The following PAN3 variants were observed in gnomAD, a reference collection of about 807,000 sequenced individuals.
PAN3 encodes poly(A) specific ribonuclease subunit PAN3, also known as PAN2-PAN3 deadenylation complex subunit PAN3.
A neutral mutation model predicts 96.2 loss-of-function variants in PAN3; 19 were observed. The observed-to-expected ratio is 0.20, with a 90% CI of 0.14 to 0.29. The LOEUF is 0.29. Among genes scored for constraint, PAN3 ranks in the 10% least tolerant of loss-of-function variants. The pLI is 1.00. For synonymous variants in PAN3, 433 were observed against 406.6 expected (o/e 1.06, Z -0.78); for missense variants, 882 against 1,108.1 (o/e 0.80, Z 2.90).
intron 5 of PAN3, chr13:28,215,055 A>G (rs545102165): frequency 7.6e-6 from 8 of 1,058,978 alleles, no homozygotes; most frequent in South Asian, 6.3e-5. Context: ...TATTAATAAA[A>G]TTGGCTACAA....
intron 14 of PAN3, among the ~76,000 whole-genome samples, chr13:28,276,045 C>T (rs1887029661): frequency 6.6e-6 from 1 of 152,076 alleles, no homozygotes; most frequent in South Asian, 2.1e-4. Flanking sequence ...CTAATGATTG[C>T]CTTAAAGTTA....
chr13:28,266,975 T>G, intron 10 of PAN3, 99 bp downstream of exon 10: 1 of 1,286,902 alleles, frequency 7.8e-7, no homozygotes. Flanking sequence ...ATTAAAAATT[T>G]TTATTTGGAA....
intron 6 of PAN3, among the ~76,000 whole-genome samples, chr13:28,236,570 GA>G (rs1313233021): frequency 6.6e-6 from 1 of 152,202 alleles, no homozygotes; most frequent in Non-Finnish European, 1.5e-5. Context: ...GGAAGGATAA[GA>G]TTTTTTTATC....
At chr13:28,168,590 A>G (rs764403527) in intron 1 of PAN3, among the ~76,000 whole-genome samples, 1 of 152,152 alleles carries the variant, frequency 6.6e-6, no homozygotes, top group Non-Finnish European at 1.5e-5. Context: ...ATGGTGGCAC[A>G]TGCCTGTAAT....
intron 1 of PAN3, among the ~76,000 whole-genome samples, chr13:28,150,621 A>G (rs2137965590): frequency 6.8e-6 from 1 of 147,636 alleles, no homozygotes; most frequent in East Asian, 2.0e-4. Flanking sequence ...TAGGCGACAG[A>G]GCGAGACTCT....
chr13:28,139,926 T>A (rs1869459238), intron 1 of PAN3, among the ~76,000 whole-genome samples: 1 of 152,046 alleles, frequency 6.6e-6, no homozygotes, highest in Non-Finnish European at 1.5e-5. Context: ...TGTTTATATT[T>A]CTTTTTCATG....
intron 5 of PAN3, among the ~76,000 whole-genome samples, chr13:28,217,463 TC>T (rs1444367422): frequency 6.6e-6 from 1 of 152,020 alleles, no homozygotes; most frequent in African/African-American, 2.4e-5. Flanking sequence ...ACACCTGTAA[TC>T]CCTGCTACTA....
chr13:28,281,918 G>A (rs45459798), intron 17 of PAN3, among the ~76,000 whole-genome samples: 1,556 of 152,100 alleles, frequency 0.01, 25 homozygotes, highest in African/African-American at 0.035. Context: ...CTACAGGTGT[G>A]CACCACCATA....
At chr13:28,204,259 GT>G (rs1879092512) in intron 5 of PAN3, among the ~76,000 whole-genome samples, 1 of 152,174 alleles carries the variant, frequency 6.6e-6, no homozygotes, top group Non-Finnish European at 1.5e-5. Flanking sequence ...TGCCCAGGAT[GT>G]TTACCTATCA....
At position 28,270,777 on chromosome 13, in the gene PAN3, A is replaced by G. The variant is rs762635605; in HGVS notation, c.1869A>G (p.Gln623=). The G allele has an allele frequency of 3.1e-6, 5 of 1,613,904 alleles. No individual in the cohort carries two copies. The highest frequency in any genetic ancestry group is 1.3e-5 in the African/African-American group (1 of 74,932). The part of the protein sequence containing the change: ...PESLIWAYIV[Q]LSSALRTIHT... ...CTCTTATTTGGGCATATATTGTCCA[A>G]CTAAGTTCTGCATTGCGTACCATTC... The change falls in exon 13 of 19, where the codon CAA becomes CAG. Residue 623 remains glutamine (Q), a synonymous_variant. Coordinates refer to ENST00000380958, the MANE Select transcript of PAN3 (RefSeq NM_175854.8).
intron 5 of PAN3, among the ~76,000 whole-genome samples, chr13:28,218,812 T>C (rs1489416764): frequency 1.3e-5 from 2 of 152,184 alleles, no homozygotes; most frequent in Non-Finnish European, 2.9e-5. Context: ...AGTATTCATA[T>C]TGTGTATTAT....
intron 18 of PAN3, among the ~76,000 whole-genome samples, chr13:28,289,678 G>A (rs1346008277): frequency 1.3e-5 from 2 of 152,088 alleles, no homozygotes; most frequent in African/African-American, 4.8e-5. Context: ...TCAGGAGATC[G>A]AGACCATCCT....
In PAN3 at chr13:28,261,297, G is replaced by A. The variant is rs1885699637; in HGVS notation, c.1354-104G>A. ...TTTAAATGATTTTAATATTTAAAAAGTGCATATGCCAAAAATATTAATACT... is the reference window on the plus strand; with the variant it reads ...TTTAAATGATTTTAATATTTAAAAAATGCATATGCCAAAAATATTAATACT... On this transcript the variant is annotated intron_variant, in intron 8 of 18. Transcript: ENST00000380958. 14 of 677,892 alleles carry A rather than the reference G, an allele frequency of 2.1e-5. No homozygotes were observed. The East Asian group carries it at 2.6e-4, about 13-fold the overall frequency. The allele number at this position is 677,892 out of a possible 1,614,324, so 42.0% of individuals were successfully genotyped here.
chr13:28,206,738 G>GT (rs200990694), intron 5 of PAN3, among the ~76,000 whole-genome samples: 17,558 of 143,434 alleles, frequency 0.12, 1,700 homozygotes, highest in African/African-American at 0.27. Context: ...TTATTAGTGG[G>GT]TTTTTTTTTT....
chr13:28,256,587 C>T, intron 7 of PAN3, 48 bp downstream of exon 7: 2 of 1,554,038 alleles, frequency 1.3e-6, no homozygotes, highest in Non-Finnish European at 1.7e-6. Flanking sequence ...TGTAACAGGA[C>T]CTTCTTAGTT....
At chr13:28,147,661 C>G (rs1237633834) in intron 1 of PAN3, among the ~76,000 whole-genome samples, 2 of 152,098 alleles carry the variant, frequency 1.3e-5, no homozygotes, top group Non-Finnish European at 2.9e-5. Context: ...AGTATGATAC[C>G]ACGAATCACT....
intron 5 of PAN3, among the ~76,000 whole-genome samples, chr13:28,200,125 C>G (rs1171697519): frequency 6.6e-6 from 1 of 152,182 alleles, no homozygotes; most frequent in Non-Finnish European, 1.5e-5. Context: ...CTCAAAATCT[C>G]TTTACTTCTA....
intron 1 of PAN3, among the ~76,000 whole-genome samples, chr13:28,142,511 A>ATTTTTTTTTTTTTTTTTT (rs74881179): frequency 7.9e-5 from 10 of 126,672 alleles, no homozygotes; most frequent in African/African-American, 3.2e-4. Flanking sequence ...ATAGATGGCA[A>ATTTTTTTTTTTTTTTTTT]TTTTTTTTTT....
Position 28,270,787 on chromosome 13 carries a change from G to C in PAN3, c.1879G>C (p.Ala627Pro), listed in dbSNP as rs1886551914. The C allele has an allele frequency of 1.2e-6, 2 of 1,613,824 alleles. No homozygotes were observed. The change falls in exon 13 of 19, where the codon GCA (alanine) becomes CCA (proline). Residue 627 changes from alanine (A) to proline (P), a missense_variant. By Grantham distance (27) the Ala-to-Pro change is conservative (BLOSUM62 -1). Coordinates refer to ENST00000380958, the MANE Select transcript of PAN3 (RefSeq NM_175854.8). ...IWAYIVQLSS[A>P]LRTIHTAGLA... Reference sequence around the variant, plus strand: ...GGCATATATTGTCCAACTAAGTTCTGCATTGCGTACCATTCATACAGCAGG... The same window carrying C: ...GGCATATATTGTCCAACTAAGTTCTCCATTGCGTACCATTCATACAGCAGG...
Sources: allele counts gnomAD v4.1 joint callset (sites outside exome capture counted in the v4.1 genomes callset), GRCh38; gene constraint gnomAD v4.1.1; transcripts MANE v1.5; gene names NCBI Gene and HGNC (gene_info 2026-07-23, HGNC 2026-07-21).